Variants in PRDM8 observed in about 807,000 individuals in gnomAD.
PRDM8 encodes PR/SET domain 8, also known as PR domain zinc finger protein 8.
A neutral mutation model predicts 46.5 loss-of-function variants in PRDM8; 13 were observed. That is an observed-to-expected ratio of 0.28 (90% CI 0.18 to 0.44). PRDM8 has a LOEUF of 0.44. PRDM8 is among the 20% of genes least tolerant of loss of function. The pLI, the probability that PRDM8 is intolerant of heterozygous loss-of-function variation, is 1.00. For synonymous variants in PRDM8, 473 were observed against 438.4 expected, an observed-to-expected ratio of 1.08 and a Z score of -0.98; for missense variants, 998 against 955.0, an observed-to-expected ratio of 1.04 and a Z score of -0.59.
chr4:80,186,010 GAAGGCGTTAAGGAA>G (rs1737046856), intron 1 of PRDM8, among the ~76,000 whole-genome samples: 2 of 152,198 alleles, frequency 1.3e-5, no homozygotes, highest in African/African-American at 4.8e-5. Flanking sequence ...GGCTTCTCAG[GAAGGCGTTAAGGAA>G]AAGGCGCGCG....
At chr4:80,197,428 A>G (rs1738046523), upstream of PRDM8, 4 of 985,132 alleles carry the variant, frequency 4.1e-6, no homozygotes, top group Middle Eastern at 5.2e-4. Flanking sequence ...AGTTAAAGGG[A>G]GGGGACGTGG....
rs1409074955 is a variant in PRDM8, at chr4:80,203,325, G to A, written c.1863G>A (p.Leu621=). The change falls in exon 4 of 4, where the codon CTG becomes CTA. Residue 621 remains leucine (L), a synonymous_variant. Coordinates refer to ENST00000415738, the MANE Select transcript of PRDM8 (RefSeq NM_001099403.2). Reference sequence around the variant, plus strand: ...CGCCCTCCTTCACCTCGCTGTGTCTGCCCGCGCAGAACTGGTGCGCCAAGT... The same window carrying A: ...CGCCCTCCTTCACCTCGCTGTGTCTACCCGCGCAGAACTGGTGCGCCAAGT... The part of the protein sequence containing the change: ...LLPPSFTSLC[L]PAQNWCAKCN... 1.2e-6 allele frequency: 2 copies of A among 1,613,626 alleles called. No individual in the cohort carries two copies. Among genetic ancestry groups the A allele is most frequent in the African/African-American group, 1.3e-5 (1 of 75,048 alleles).
chr4:80,187,786 G>A (rs1343430072), intron 1 of PRDM8, among the ~76,000 whole-genome samples: 2 of 152,048 alleles, frequency 1.3e-5, no homozygotes, highest in African/African-American at 4.8e-5. Context: ...CCCCCTTCCT[G>A]AGATCTGTAA....
rs753181502 is a variant in PRDM8 at position 80,203,416 on chromosome 4, T to C, written c.1954T>C (p.Tyr652His). ...YHMRSHHKKE[Y>H]AMEPLVKRRR... ...TATGAGGTCGCACCACAAAAAGGAG[T>C]ATGCGATGGAGCCCTTGGTGAAGCG... Residue 652 changes from tyrosine to histidine, a missense_variant, in exon 4 of 4, where the codon TAT (tyrosine) becomes CAT (histidine). Transcript: ENST00000415738. The C allele has an allele frequency of 5.0e-6, 8 of 1,613,306 alleles. No homozygotes were observed. Among genetic ancestry groups the C allele is most frequent in the Non-Finnish European group, 6.8e-6 (8 of 1,179,790 alleles).
intron 1 of PRDM8, among the ~76,000 whole-genome samples, chr4:80,187,246 G>GGT (rs1280961869): frequency 4.1e-5 from 4 of 97,944 alleles, no homozygotes; most frequent in African/African-American, 1.6e-4. Flanking sequence ...CTCTGCCCTG[G>GGT]GGCGGGGGGA....
chr4:80,203,659 C>A lies in PRDM8; in HGVS notation c.*127C>A, dbSNP rs1364146270. The A allele has an allele frequency of 2.8e-6, 4 of 1,408,688 alleles. No homozygotes were observed. Among genetic ancestry groups the A allele is most frequent in the Admixed American group, 2.9e-5 (1 of 34,672 alleles). 87.3% of individuals were successfully genotyped at this position (1,408,688 alleles called of 1,614,324 possible). A position where few individuals can be genotyped will look rare whatever the true frequency, so the allele number is the denominator to read the frequency against. ...CCTGCACAAAGACACATACATTCAC[C>A]GCCCCCCCGCCCCCCCAACGCGCAC... On this transcript the variant is annotated 3_prime_UTR_variant, in exon 4 of 4. Transcript: ENST00000415738.
Position 80,202,917 on chromosome 4 carries a change from C to G in PRDM8, c.1455C>G (p.Gly485=). ...GGGTGAGAAG[G]AGGGQGAASD... ...GAACGGGCGCCGGGGCCGCAGGCGG[C>G]GCGGGCGGGGGCCAGGGCGCCGCGT... is the stretch of plus-strand genomic sequence containing the variant. The change falls in exon 4 of 4, where the codon GGC becomes GGG. Residue 485 remains glycine, a synonymous_variant. Transcript: ENST00000415738. 7.4e-7 allele frequency: 1 copy of G among 1,352,750 alleles called. No individual in the cohort carries two copies. Among genetic ancestry groups the G allele is most frequent in the Non-Finnish European group, 9.4e-7 (1 of 1,063,294 alleles). The allele number at this position is 1,352,750 out of a possible 1,614,324, so 83.8% of individuals were successfully genotyped here. A position where few individuals can be genotyped will look rare whatever the true frequency, so the allele number is the denominator to read the frequency against.
At chr4:80,195,022 A>G (rs1305248487), upstream of PRDM8, among the ~76,000 whole-genome samples, 1 of 152,226 alleles carries the variant, frequency 6.6e-6, no homozygotes, top group East Asian at 1.9e-4. Context: ...AATGCCTTCC[A>G]TTTAGAGTTT....
At chr4:80,199,196 G>A (rs998096748) in intron 1 of PRDM8, among the ~76,000 whole-genome samples, 4 of 151,862 alleles carry the variant, frequency 2.6e-5, no homozygotes, top group Non-Finnish European at 5.9e-5. Context: ...TATGGGGTAG[G>A]GGGAGTGAAA....
At chr4:80,188,596 T>G (rs928091936) in intron 1 of PRDM8, among the ~76,000 whole-genome samples, 1 of 152,152 alleles carries the variant, frequency 6.6e-6, no homozygotes, top group African/African-American at 2.4e-5. Flanking sequence ...GACCTGAGTG[T>G]TCAAAATCCC....
intron 1 of PRDM8, among the ~76,000 whole-genome samples, chr4:80,186,234 G>A (rs1194915464): frequency 2.0e-5 from 3 of 152,054 alleles, no homozygotes; most frequent in Non-Finnish European, 4.4e-5. Context: ...TACTTTCAGA[G>A]GCCTCCCTAC....
At chr4:80,186,430 GGAGA>G (rs70944766) in intron 1 of PRDM8, among the ~76,000 whole-genome samples, 7 of 129,982 alleles carry the variant, frequency 5.4e-5, no homozygotes, top group Non-Finnish European at 8.2e-5. Context: ...AAGGCAGGGT[GGAGA>G]GAGAGAGAGA....
rs529475710 is a variant in PRDM8, at chr4:80,199,023, A to G, written c.-2-1056A>G. Among the ~76,000 whole-genome samples, 26 of 79,634 alleles carry G rather than the reference A, an allele frequency of 3.3e-4. No individual in the cohort carries two copies. In the East Asian group the frequency reaches 0.012, roughly 37 times the overall value. The allele number at this position is 79,634 out of a possible 152,430, so 52.2% of individuals were successfully genotyped here. On this transcript the variant is annotated intron_variant, in intron 1 of 3. Coordinates refer to ENST00000415738, the MANE Select transcript of PRDM8 (RefSeq NM_001099403.2). ...TTTTTTTTTTTTTTTTTTTTTAGTG[A>G]TAAGTCTTGTATGGGGTGTCCAGAG...
At chr4:80,201,892 G>A (rs758462029) in intron 3 of PRDM8, 22 bp from the exon 4 acceptor site, 2 of 1,612,752 alleles carry the variant, frequency 1.2e-6, no homozygotes, top group South Asian at 1.1e-5. Context: ...GTGCGTGTGT[G>A]TGGTGTTTGC....
Position 80,203,468 on chromosome 4 carries a change from C to G in PRDM8, c.2006C>G (p.Pro669Arg), listed in dbSNP as rs768536715. ...CGGCGAGAGGAGAAACTCAAGTGCC[C>G]CATCTGCAATGAGTCCTTCAGGGAG... is the stretch of plus-strand genomic sequence containing the variant. ...KRRREEKLKC[P>R]ICNESFRERH... Residue 669 changes from proline (P) to arginine (R), a missense_variant, in exon 4 of 4, where the codon CCC (proline) becomes CGC (arginine). Transcript: ENST00000415738. The G allele has an allele frequency of 2.5e-6, 4 of 1,613,300 alleles. No individual in the cohort carries two copies. Among genetic ancestry groups the G allele is most frequent in the Non-Finnish European group, 3.4e-6 (4 of 1,179,814 alleles).
chr4:80,198,099 G>A (rs1356137763), intron 1 of PRDM8, among the ~76,000 whole-genome samples: 1 of 152,214 alleles, frequency 6.6e-6, no homozygotes, highest in Non-Finnish European at 1.5e-5. Flanking sequence ...CTAGAGCGGG[G>A]CACGGAGCTG....
At chr4:80,199,010 TTTTTTTTTA>T (rs1738215964) in intron 1 of PRDM8, among the ~76,000 whole-genome samples, 56 of 128,624 alleles carry the variant, frequency 4.4e-4, no homozygotes, top group African/African-American at 1.8e-3. Context: ...TTTTTTTTTT[TTTTTTTTTA>T]GTGATAAGTC....
intron 1 of PRDM8, among the ~76,000 whole-genome samples, chr4:80,199,618 C>A (rs1425798236): frequency 6.6e-6 from 1 of 151,944 alleles, no homozygotes; most frequent in East Asian, 1.9e-4. Context: ...CATAGGCAGA[C>A]AGGCACTTTC....
intron 3 of PRDM8, 33 bp from the exon 4 acceptor site, chr4:80,201,879 TGC>T: frequency 6.3e-7 from 1 of 1,599,742 alleles, no homozygotes; most frequent in Admixed American, 1.7e-5. Flanking sequence ...TGTGTGTGCG[TGC>T]GTGCGTGTGT....
Sources: allele counts gnomAD v4.1 joint callset (sites outside exome capture counted in the v4.1 genomes callset), GRCh38; gene constraint gnomAD v4.1.1; transcripts MANE v1.5; gene names NCBI Gene and HGNC (gene_info 2026-07-23, HGNC 2026-07-21).